CENPC: variants seen among roughly 807,000 people sequenced by gnomAD.
The protein encoded by CENPC is CENP-C 1.
Under a neutral mutation model 112.1 loss-of-function variants are expected in CENPC, and 63 were observed. That is an observed-to-expected ratio of 0.56 (90% CI 0.46 to 0.69). CENPC has a LOEUF of 0.69. CENPC is among the 30% of genes least tolerant of loss of function. The pLI is 0.00. For missense variants in CENPC, 1,000 were observed against 1,103.8 expected, an observed-to-expected ratio of 0.91 and a Z score of 1.33; for synonymous variants, 333 against 367.6, an observed-to-expected ratio of 0.91 and a Z score of 1.08.
Position 67,472,366 on chromosome 4 carries a change from C to A in CENPC, c.*239G>T. The A allele has an allele frequency of 2.8e-6, 1 of 361,938 alleles. No individual in the cohort carries two copies. Among genetic ancestry groups the A allele is most frequent in the Non-Finnish European group, 4.3e-6 (1 of 230,468 alleles). 22.4% of individuals were successfully genotyped at this position (361,938 alleles called of 1,614,324 possible). A position where few individuals can be genotyped will look rare whatever the true frequency, so the allele number is the denominator to read the frequency against. ...CTATATTTCATTTTCATATTCTTGT[C>A]AAATTATAAAAATAATATCATAAAT... On this transcript the variant is annotated 3_prime_UTR_variant, in exon 19 of 19. Coordinates refer to ENST00000273853, the MANE Select transcript of CENPC (RefSeq NM_001812.4).
Position 67,514,096 on chromosome 4 carries a change from G to A in CENPC, c.1422C>T (p.Ser474=). 1.3e-6 allele frequency: 2 copies of A among 1,594,490 alleles called. No individual in the cohort carries two copies. The highest frequency in any genetic ancestry group is 1.7e-6 in the Non-Finnish European group (2 of 1,173,210). The change falls in exon 8 of 19, where the codon TCC becomes TCT. Residue 474 remains serine (S), a synonymous_variant. Coordinates refer to ENST00000273853, the MANE Select transcript of CENPC (RefSeq NM_001812.4). ...TACCCACAGGTGGCATCTGTTTTTTGGAAACACAATCATTTCCCATCTCTT... is the reference window on the plus strand; with the variant it reads ...TACCCACAGGTGGCATCTGTTTTTTAGAAACACAATCATTTCCCATCTCTT... ...EHEEMGNDCV[S]KKQMPPVGSK...
intron 12 of CENPC, among the ~76,000 whole-genome samples, chr4:67,497,455 C>T (rs1725468284): frequency 6.6e-6 from 1 of 152,100 alleles, no homozygotes; most frequent in South Asian, 2.1e-4. Context: ...CAGACTACTG[C>T]AGTAAAACAG....
At chr4:67,485,337 T>A (rs912362061) in intron 17 of CENPC, among the ~76,000 whole-genome samples, 1 of 152,194 alleles carries the variant, frequency 6.6e-6, no homozygotes, top group Non-Finnish European at 1.5e-5. Context: ...ACTTTATACA[T>A]AGGTAGCACA....
At position 67,518,435 on chromosome 4, in the gene CENPC, A is replaced by C. The variant is rs375709783; in HGVS notation, c.618-67T>G. ...GTTTCTTGAGTTATAAGTCTTCCTG[A>C]ACTCCTTTACAGAGACAATACAGAC... is the stretch of plus-strand genomic sequence containing the variant. On this transcript the variant is annotated intron_variant, in intron 6 of 18. Transcript: ENST00000273853. 24 of 1,427,780 alleles carry C rather than the reference A, an allele frequency of 1.7e-5. No homozygotes were observed. The African/African-American group carries it at 1.7e-4, about 10-fold the overall frequency. The allele number at this position is 1,427,780 out of a possible 1,614,324, so 88.4% of individuals were successfully genotyped here. A position where few individuals can be genotyped will look rare whatever the true frequency, so the allele number is the denominator to read the frequency against.
chr4:67,535,078 A>C (rs1726676913), intron 4 of CENPC, among the ~76,000 whole-genome samples: 1 of 152,180 alleles, frequency 6.6e-6, no homozygotes, highest in Admixed American at 6.5e-5. Flanking sequence ...AGAAGCTAAA[A>C]TAAAAGAAAG....
At chr4:67,489,411 G>GCT (rs36113456) in intron 17 of CENPC, among the ~76,000 whole-genome samples, 93,618 of 151,390 alleles carry the variant, frequency 0.62, 29,214 homozygotes, top group East Asian at 0.81. Flanking sequence ...GAAGCAACTA[G>GCT]CTTAGTCCTG....
At chr4:67,495,936 G>A (rs748503031) in intron 12 of CENPC, among the ~76,000 whole-genome samples, 45 of 152,120 alleles carry the variant, frequency 3.0e-4, no homozygotes, top group Admixed American at 9.2e-4. Flanking sequence ...GCAGAGTCTC[G>A]TTCCCTTCTC....
At chr4:67,532,016 C>A (rs1726565338) in intron 4 of CENPC, among the ~76,000 whole-genome samples, 1 of 152,074 alleles carries the variant, frequency 6.6e-6, no homozygotes, top group African/African-American at 2.4e-5. Context: ...GGCTAATATC[C>A]AGAATCTACA....
Position 67,530,882 on chromosome 4 carries a change from A to G in CENPC, c.264T>C (p.Val88=). 3.1e-6 allele frequency: 5 copies of G among 1,604,114 alleles called. No homozygotes were observed. The highest frequency in any genetic ancestry group is 4.3e-6 in the Non-Finnish European group (5 of 1,174,730). The change falls in exon 5 of 19, where the codon GTT becomes GTC. Residue 88 remains valine, a synonymous_variant. Coordinates refer to ENST00000273853, the MANE Select transcript of CENPC (RefSeq NM_001812.4). The part of the protein sequence containing the change: ...CQKSHPKSVP[V]SSKKKEASLQ... ...GAGAGGCTTCTTTCTTCTTTGAAGA[A>G]ACTGGAACTGACTTTGGATGTGATT...
chr4:67,540,994 C>T lies in CENPC; in HGVS notation c.122G>A (p.Cys41Tyr), dbSNP rs1464893905. The T allele has an allele frequency of 1.4e-5, 23 of 1,607,698 alleles. No individual in the cohort carries two copies. The highest frequency in any genetic ancestry group is 2.0e-5 in the Non-Finnish European group (23 of 1,176,810). The change falls in exon 3 of 19, where the codon TGT (cysteine) becomes TAT (tyrosine). Residue 41 changes from cysteine (C) to tyrosine (Y), a missense_variant. Physicochemically the swap from Cys to Tyr is radical, Grantham distance 194. Coordinates refer to ENST00000273853, the MANE Select transcript of CENPC (RefSeq NM_001812.4). ...GQNVLEILQD[C>Y]FEEKSLANDF... is the part of the protein sequence containing the mutation. ...TGAAGCCTTACTTTTTTCTTCAAAACAGTCTTGTAAGATTTCCAGAACATT... is the reference window on the plus strand; with the variant it reads ...TGAAGCCTTACTTTTTTCTTCAAAATAGTCTTGTAAGATTTCCAGAACATT...
chr4:67,474,964 G>T lies in CENPC; in HGVS notation c.2685C>A (p.Asn895Lys). 1 of 1,528,782 alleles carries T rather than the reference G, an allele frequency of 6.5e-7. No individual in the cohort carries two copies. 94.7% of individuals were successfully genotyped at this position (1,528,782 alleles called of 1,614,324 possible). Residue 895 changes from asparagine (N) to lysine (K), a missense_variant, in exon 18 of 19, where the codon AAC becomes AAA. By Grantham distance (94) the Asn-to-Lys change is moderately conservative. Coordinates refer to ENST00000273853, the MANE Select transcript of CENPC (RefSeq NM_001812.4). ...GTAAAGTACACAAAAGGTCACCAAA[G>T]TTAACATAAAAAACCTGTAAAAATA... ...VGQDILVFYV[N>K]FGDLLCTLHE... is the part of the protein sequence containing the mutation.
At chr4:67,526,231 A>T (rs355493) in intron 5 of CENPC, among the ~76,000 whole-genome samples, 95,721 of 151,852 alleles carry the variant, frequency 0.63, 30,423 homozygotes, top group East Asian at 0.81. Flanking sequence ...GGGGCTTAAA[A>T]CCAAGATGAC....
chr4:67,474,500 C>G (rs374627347), intron 18 of CENPC, among the ~76,000 whole-genome samples: 3 of 152,078 alleles, frequency 2.0e-5, no homozygotes, highest in African/African-American at 4.8e-5. Context: ...GTCAGGTGAT[C>G]TGTTACGGCT....
In CENPC at chr4:67,506,325, A is replaced by C. The variant is rs574153084; in HGVS notation, c.2051+463T>G. 1.1e-3 allele frequency among the ~76,000 whole-genome samples: 170 copies of C among 152,332 alleles called. 2 individuals are homozygous for C. Among genetic ancestry groups the C allele is most frequent in the Middle Eastern group, 3.4e-3 (1 of 294 alleles). ...ATAAGTTGTTTCTAATGAACAGAAT[A>C]AAGTAGAAATGACGGTGTACAATGT... On this transcript the variant is annotated intron_variant, in intron 11 of 18. Transcript: ENST00000273853.
rs367857360 is a variant in CENPC at position 67,514,183 on chromosome 4, A to G, written c.1335T>C (p.His445=). ...ATTCGTCTTGGGTAATATGTGATGT[A>G]TGTATGTTTTCATCTTTAGACTGTC... is the stretch of plus-strand genomic sequence containing the variant. ...DVGQSKDENI[H]TSHITQDEFQ... is the part of the protein sequence containing the mutation. Residue 445 remains histidine, a synonymous_variant, in exon 8 of 19, where the codon CAT becomes CAC. Transcript: ENST00000273853. 8.1e-6 allele frequency: 13 copies of G among 1,612,746 alleles called. No homozygotes were observed. In the African/African-American group the frequency reaches 1.5e-4, roughly 18 times the overall value.
Position 67,511,087 on chromosome 4 carries a change from CAT to C in CENPC, c.1612+1313_1612+1314del, listed in dbSNP as rs565666529. 1.2e-3 allele frequency: 560 copies of C among 455,682 alleles called. 3 individuals carry two copies. Among genetic ancestry groups the C allele is most frequent in the African/African-American group, 8.7e-3 (437 of 50,148 alleles). 28.2% of individuals were successfully genotyped at this position (455,682 alleles called of 1,614,324 possible). ...GTATTATTTAACACTTCAATACTAA[CAT>C]ATGCCACCTACTATGCTAATTGCAT... is the stretch of plus-strand genomic sequence containing the variant. On this transcript the variant is annotated intron_variant, in intron 9 of 18. Coordinates refer to ENST00000273853, the MANE Select transcript of CENPC (RefSeq NM_001812.4).
At chr4:67,514,926 T>C (rs2109805609) in intron 7 of CENPC, among the ~76,000 whole-genome samples, 1 of 150,032 alleles carries the variant, frequency 6.7e-6, no homozygotes, top group Admixed American at 6.7e-5. Context: ...CATCAACAAA[T>C]TTGATCCCAC....
chr4:67,496,365 C>T (rs1252225473), intron 12 of CENPC, among the ~76,000 whole-genome samples: 5 of 152,292 alleles, frequency 3.3e-5, no homozygotes, highest in African/African-American at 1.2e-4. Context: ...TTCATAGAAC[C>T]ATGAAAGATA....
rs1275567145 is a variant in CENPC at position 67,479,826 on chromosome 4, T to A, written c.2671-4848A>T. 2.0e-5 allele frequency among the ~76,000 whole-genome samples: 3 copies of A among 152,118 alleles called. No individual in the cohort carries two copies. In the East Asian group the frequency reaches 5.8e-4, roughly 29 times the overall value. On this transcript the variant is annotated intron_variant, in intron 17 of 18. Transcript: ENST00000273853. ...GAATTAGAAACAAAATGGGAGATAT[T>A]ACAACCAATACCACAGAAAGACAAA...
Sources: gnomAD v4.1 joint callset for allele counts (sites outside exome capture counted in the v4.1 genomes callset) on GRCh38, gnomAD v4.1.1 for gene constraint, MANE v1.5 for transcripts, NCBI Gene and HGNC (gene_info 2026-07-23, HGNC 2026-07-21) for gene names.